The following FASN variants were observed in gnomAD, a reference collection of about 807,000 sequenced individuals.
FASN encodes the protein fatty acid synthase.
In FASN, 50 loss-of-function variants were observed where a neutral mutation model predicts 250.0. The ratio of observed to expected loss-of-function variants is 0.20; its 90% CI spans 0.16 to 0.25. FASN has a LOEUF of 0.25. Among genes scored for constraint, FASN ranks in the 10% least tolerant of loss-of-function variants. The pLI, the probability that FASN is intolerant of heterozygous loss-of-function variation, is 1.00. For missense variants in FASN, 3,031 were observed against 3,498.5 expected, an observed-to-expected ratio of 0.87 and a Z score of 3.37; for synonymous variants, 1,909 against 1,584.0, an observed-to-expected ratio of 1.21 and a Z score of -4.87.
rs1330486161 is a variant in FASN, at chr17:82,088,766, G to A, written c.2415C>T (p.Leu805=). The A allele has an allele frequency of 1.9e-6, 3 of 1,611,530 alleles. No homozygotes were observed. Among genetic ancestry groups the A allele is most frequent in the Middle Eastern group, 1.7e-4 (1 of 5,826 alleles). The change falls in exon 15 of 43, where the codon CTC becomes CTT. Residue 805 remains leucine (L), a synonymous_variant. Transcript: ENST00000306749. The part of the protein sequence containing the change: ...FFLAGIGRLH[L]SGIDANPNAL... ...CGGGCTGGGAAGGGACCCACCCTGAGAGGTGCAGCCTGCCGATGCCGGCCA... is the reference window on the plus strand; with the variant it reads ...CGGGCTGGGAAGGGACCCACCCTGAAAGGTGCAGCCTGCCGATGCCGGCCA...
chr17:82,095,954 C>T (rs2034295785), intron 2 of FASN, among the ~76,000 whole-genome samples: 1 of 152,238 alleles, frequency 6.6e-6, no homozygotes, highest in East Asian at 1.9e-4. Flanking sequence ...GCACCCCCTG[C>T]ATGGGTGAGA....
At chr17:82,095,191 C>T (rs1226818467) in intron 3 of FASN, 129 bp downstream of exon 3, 2 of 1,184,548 alleles carry the variant, frequency 1.7e-6, no homozygotes, top group African/African-American at 1.5e-5. Context: ...TTGGCCAGGC[C>T]AGGGGCACAG....
chr17:82,083,620 G>A lies in FASN; in HGVS notation c.5238C>T (p.Asn1746=). 1.2e-6 allele frequency: 2 copies of A among 1,610,468 alleles called. No homozygotes were observed. Among genetic ancestry groups the A allele is most frequent in the East Asian group, 2.2e-5 (1 of 44,812 alleles). The change falls in exon 31 of 43, where the codon AAC becomes AAT. Residue 1746 remains asparagine, a synonymous_variant. Transcript: ENST00000306749. The stretch of plus-strand genomic sequence containing the variant: ...CCTGCAGCTTCTCTTCCGCCAAGGA[G>A]TTCAAGACCAGGTCAACGCCTAGGG... ...TGGKGVDLVL[N]SLAEEKLQAS... is the part of the protein sequence containing the mutation.
Position 82,092,682 on chromosome 17 carries a change from G to C in FASN, c.894+15C>G, listed in dbSNP as rs777381342. 1 of 1,427,062 alleles carries C rather than the reference G, an allele frequency of 7.0e-7. No individual in the cohort carries two copies. The highest frequency in any genetic ancestry group is 9.7e-7 in the Non-Finnish European group (1 of 1,032,512). 88.4% of individuals were successfully genotyped at this position (1,427,062 alleles called of 1,614,324 possible). On this transcript the variant is annotated intron_variant, in intron 7 of 42. Transcript: ENST00000306749. Reference sequence around the variant, plus strand: ...CTCATGGGGTGGTGAGTGGGGCGGGGGGGGGGGGCATCACCTTGGTGCCTG... The same window carrying C: ...CTCATGGGGTGGTGAGTGGGGCGGGCGGGGGGGGCATCACCTTGGTGCCTG...
intron 41 of FASN, 24 bp from the exon 42 acceptor site, chr17:82,079,632 G>GT: frequency 1.3e-6 from 2 of 1,597,668 alleles, no homozygotes; most frequent in Non-Finnish European, 1.7e-6. Context: ...CTCTGAGCAG[G>GT]TGCTGGCAGC....
chr17:82,086,479 G>C lies in FASN; in HGVS notation c.3507C>G (p.Ile1169Met). The change falls in exon 22 of 43, where the codon ATC becomes ATG. Residue 1169 changes from isoleucine (I) to methionine (M), a missense_variant. Transcript: ENST00000306749. ...GTTCCTGCTGTGAGGGGTCCCGGGGGATCTGGGCCCCATCCAGTCCGGGCA... is the reference window on the plus strand; with the variant it reads ...GTTCCTGCTGTGAGGGGTCCCGGGGCATCTGGGCCCCATCCAGTCCGGGCA... Reference protein sequence around the residue: ...MVVPGLDGAQIPRDPSQQELP... With the variant: ...MVVPGLDGAQMPRDPSQQELP... The C allele has an allele frequency of 6.2e-7, 1 of 1,612,504 alleles. No homozygotes were observed. The highest frequency in any genetic ancestry group is 1.3e-5 in the African/African-American group (1 of 75,060).
Position 82,086,396 on chromosome 17 carries a change from T to G in FASN, c.3590A>C (p.Glu1197Ala). Residue 1197 changes from glutamate (E) to alanine (A), a missense_variant, in exon 22 of 43, where the codon GAG becomes GCG. By Grantham distance (107) the Glu-to-Ala change is moderately radical. Coordinates refer to ENST00000306749, the MANE Select transcript of FASN (RefSeq NM_004104.5). ...CTCCTGGGCCAGCACCTGCGCCAGCTCCAGCTGCAGGTTCCCGTTGAGCTG... is the reference window on the plus strand; with the variant it reads ...CTCCTGGGCCAGCACCTGCGCCAGCGCCAGCTGCAGGTTCCCGTTGAGCTG... ...RLQLNGNLQL[E>A]LAQVLAQERP... The G allele has an allele frequency of 6.2e-7, 1 of 1,610,582 alleles. No homozygotes were observed. Among genetic ancestry groups the G allele is most frequent in the Non-Finnish European group, 8.5e-7 (1 of 1,179,856 alleles).
At chr17:82,090,791 GC>G in intron 10 of FASN, 90 bp downstream of exon 10, 4 of 1,451,390 alleles carry the variant, frequency 2.8e-6, no homozygotes, top group Non-Finnish European at 1.9e-6. Context: ...GCTGTCAGGG[GC>G]CCCGGACTCA....
In FASN at chr17:82,089,363, C is replaced by G. The variant is rs1307566122; in HGVS notation, c.1987G>C (p.Glu663Gln). 1 of 1,612,848 alleles carries G rather than the reference C, an allele frequency of 6.2e-7. No homozygotes were observed. Among genetic ancestry groups the G allele is most frequent in the Non-Finnish European group, 8.5e-7 (1 of 1,180,012 alleles). The change falls in exon 13 of 43, where the codon GAG becomes CAG. Residue 663 changes from glutamate (E) to glutamine (Q), a missense_variant. By Grantham distance (29) the Glu-to-Gln change is conservative. Transcript: ENST00000306749. The stretch of plus-strand genomic sequence containing the variant: ...AACACACCCTCCTTCCTCAGCTGCT[C>G]CACGAACTCAAACACCGGGGCCTGG... ...GPQAPVFEFVEQLRKEGVFAK... is the reference protein window; with the variant it reads ...GPQAPVFEFVQQLRKEGVFAK...
chr17:82,088,697 C>A (rs986507144), intron 15 of FASN, 64 bp downstream of exon 15: 1 of 1,535,764 alleles, frequency 6.5e-7, no homozygotes. Flanking sequence ...CCCGCAGCCC[C>A]GCTCACCCAC....
In FASN at chr17:82,098,218, G is replaced by C. The variant is rs2034336980; in HGVS notation, c.-105C>G. ...CGCGGCGGAGAGGGAGGCCGGGGCC[G>C]CTGCCGTCTCTCTGGCTCCCTCTAG... On this transcript the variant is annotated 5_prime_UTR_variant, in exon 1 of 43. Coordinates refer to ENST00000306749, the MANE Select transcript of FASN (RefSeq NM_004104.5). The C allele has an allele frequency of 5.4e-6, 2 of 368,514 alleles. No individual in the cohort carries two copies. The highest frequency in any genetic ancestry group is 4.2e-5 in the African/African-American group (2 of 47,146). 22.8% of individuals were successfully genotyped at this position (368,514 alleles called of 1,614,324 possible).
chr17:82,091,975 C>T (rs1187308651), intron 8 of FASN, among the ~76,000 whole-genome samples: 1 of 152,184 alleles, frequency 6.6e-6, no homozygotes, highest in Admixed American at 6.5e-5. Context: ...CCCCCTTGGC[C>T]CAGATGTTGC....
chr17:82,090,705 GC>G, intron 10 of FASN, 141 bp from the exon 11 acceptor site: 1 of 1,041,318 alleles, frequency 9.6e-7, no homozygotes, highest in Non-Finnish European at 1.4e-6. Context: ...AGCCCCTATG[GC>G]CCCCACACAG....
chr17:82,088,006 C>G lies in FASN; in HGVS notation c.2814G>C (p.Leu938=), dbSNP rs2034135958. The G allele has an allele frequency of 1.1e-5, 18 of 1,612,758 alleles. No homozygotes were observed. Among genetic ancestry groups the G allele is most frequent in the Non-Finnish European group, 1.5e-5 (18 of 1,179,958 alleles). ...ACACCTCGAAGGCACGGGAGGCCTC[C>G]AGGAGCCGTACCTCCAGGGACACTG... ...TGTVSLEVRL[L]EASRAFEVSE... is the part of the protein sequence containing the mutation. The change falls in exon 18 of 43, where the codon CTG becomes CTC. Residue 938 remains leucine, a synonymous_variant. Coordinates refer to ENST00000306749, the MANE Select transcript of FASN (RefSeq NM_004104.5).
chr17:82,090,260 C>T, intron 11 of FASN, 115 bp downstream of exon 11: 3 of 1,058,686 alleles, frequency 2.8e-6, no homozygotes, highest in Non-Finnish European at 4.0e-6. Flanking sequence ...TGTCCCCGGG[C>T]CAGCGGGGGC....
At chr17:82,079,312 C>T in intron 42 of FASN, 32 bp from the exon 43 acceptor site, 1 of 1,613,040 alleles carries the variant, frequency 6.2e-7, no homozygotes, top group African/African-American at 1.3e-5. Context: ...GCCGTCCCAC[C>T]CCACTCCTGT....
rs149721063 is a variant in FASN, at chr17:82,092,256, C to T, written c.1029+199G>A. Among the ~76,000 whole-genome samples, 915 of 152,300 alleles carry T rather than the reference C, an allele frequency of 6.0e-3. 3 individuals are homozygous for T. Among genetic ancestry groups the T allele is most frequent in the South Asian group, 8.5e-3 (41 of 4,824 alleles). ...CATCAGGCCTCCAGGGAAGGCCCAGCGAGCCTGGCTACGAGCTCTCCCTGC... is the reference window on the plus strand; with the variant it reads ...CATCAGGCCTCCAGGGAAGGCCCAGTGAGCCTGGCTACGAGCTCTCCCTGC... On this transcript the variant is annotated intron_variant, in intron 8 of 42. Coordinates refer to ENST00000306749, the MANE Select transcript of FASN (RefSeq NM_004104.5).
At chr17:82,081,525 G>A (rs1315422722) in intron 37 of FASN, 76 bp downstream of exon 37, 24 of 1,600,668 alleles carry the variant, frequency 1.5e-5, no homozygotes, top group East Asian at 2.2e-5. Flanking sequence ...GGCGCACAGG[G>A]GCACGACTGC....
rs111482610 is a variant in FASN at position 82,078,658 on chromosome 17, A to C, written c.*485T>G. 6.2e-3 allele frequency: 1,434 copies of C among 233,090 alleles called. 25 individuals carry two copies. Among genetic ancestry groups the C allele is most frequent in the African/African-American group, 0.031 (1,329 of 43,462 alleles). 14.4% of individuals were successfully genotyped at this position (233,090 alleles called of 1,614,324 possible). On this transcript the variant is annotated 3_prime_UTR_variant, in exon 43 of 43. Transcript: ENST00000306749. This position sits in a 1 kb window ranked among gnomAD's most constrained non-coding sequence, Gnocchi z 5.4. ...GACCCCCCACTCAGCGGGCTGAGCC[A>C]ATGCCTGGCCGAGAGGGGGCCGCAG... is the stretch of plus-strand genomic sequence containing the variant.
Sources: gnomAD v4.1 joint callset for allele counts (sites outside exome capture counted in the v4.1 genomes callset) on GRCh38, gnomAD v4.1.1 for gene constraint, Gnocchi (gnomAD v3.1) non-coding constraint, MANE v1.5 for transcripts, NCBI Gene and HGNC (gene_info 2026-07-23, HGNC 2026-07-21) for gene names.